Variants in MMP26 observed in about 807,000 individuals in gnomAD.
MMP26 encodes matrix metallopeptidase 26.
Under a neutral mutation model 31.0 loss-of-function variants are expected in MMP26, and 33 were observed. That is an observed-to-expected ratio of 1.06 (90% CI 0.81 to 1.42). The LOEUF (loss-of-function observed/expected upper bound fraction) is 1.42, where lower values mean the gene tolerates loss of function less well. MMP26 is among the 40% of genes most tolerant of loss of function. The pLI is 0.00. For missense variants in MMP26, 347 were observed against 316.1 expected (o/e 1.10, Z -0.74); for synonymous variants, 122 against 114.9 (o/e 1.06, Z -0.40).
intron 2 of MMP26, among the ~76,000 whole-genome samples, chr11:4,971,070 GA>G (rs943661629): frequency 1.3e-5 from 2 of 152,058 alleles, no homozygotes; most frequent in Non-Finnish European, 2.9e-5. Context: ...AAACCATCAT[GA>G]AAAAAATTCC....
intron 2 of MMP26, among the ~76,000 whole-genome samples, chr11:4,898,490 A>G (rs1288460651): frequency 6.6e-6 from 1 of 152,030 alleles, no homozygotes; most frequent in Non-Finnish European, 1.5e-5. Flanking sequence ...TCTTTCTTGT[A>G]CCTACTATTC....
At chr11:4,706,125 T>C (rs1317389689) in intron 1 of MMP26, among the ~76,000 whole-genome samples, 1 of 152,174 alleles carries the variant, frequency 6.6e-6, no homozygotes. Context: ...GGGACTCAGA[T>C]TCAGTGAAGT....
At chr11:4,769,552 A>T (rs1848683669) in intron 2 of MMP26, 1 of 1,613,460 alleles carries the variant, frequency 6.2e-7, no homozygotes, top group African/African-American at 1.3e-5. Flanking sequence ...CATAACGGTC[A>T]AAGGCTGTAG....
chr11:4,796,255 C>T (rs967592630), intron 2 of MMP26, among the ~76,000 whole-genome samples: 2 of 152,128 alleles, frequency 1.3e-5, no homozygotes, highest in East Asian at 3.8e-4. Context: ...ATTTCCTTTC[C>T]GTGTTTATCA....
At chr11:4,971,486 C>A (rs573943892) in intron 2 of MMP26, among the ~76,000 whole-genome samples, 5 of 152,004 alleles carry the variant, frequency 3.3e-5, no homozygotes, top group African/African-American at 1.2e-4. Flanking sequence ...CAGAGAGTAA[C>A]GTGATATGTA....
At chr11:4,773,272 C>T (rs1356913294) in intron 2 of MMP26, among the ~76,000 whole-genome samples, 1 of 152,136 alleles carries the variant, frequency 6.6e-6, no homozygotes, top group Non-Finnish European at 1.5e-5. Flanking sequence ...AGGATATCAT[C>T]ACATATATGT....
At chr11:4,811,150 T>A (rs1478444490) in intron 2 of MMP26, among the ~76,000 whole-genome samples, 1 of 152,164 alleles carries the variant, frequency 6.6e-6, no homozygotes. Context: ...CAGGCTGACA[T>A]TGTACATTGG....
chr11:4,901,437 G>A (rs998115654), intron 2 of MMP26, among the ~76,000 whole-genome samples: 1 of 152,076 alleles, frequency 6.6e-6, no homozygotes, highest in African/African-American at 2.4e-5. Context: ...TGGGATTACA[G>A]GTGTGAGCCA....
chr11:4,793,382 C>A (rs1991889), intron 2 of MMP26, among the ~76,000 whole-genome samples: 56,162 of 151,850 alleles, frequency 0.37, 11,460 homozygotes, highest in African/African-American at 0.52. Context: ...TGATAAAAAA[C>A]GAGAGACTTA....
At chr11:4,965,410 T>A (rs78865869) in intron 2 of MMP26, among the ~76,000 whole-genome samples, 2,607 of 152,294 alleles carry the variant, frequency 0.017, 72 homozygotes, top group African/African-American at 0.06. Flanking sequence ...GGTACAGATA[T>A]AAAAGTGGCT....
At chr11:4,961,692 A>G (rs1846523192) in intron 2 of MMP26, among the ~76,000 whole-genome samples, 1 of 152,230 alleles carries the variant, frequency 6.6e-6, no homozygotes, top group African/African-American at 2.4e-5. Context: ...TTTGGCTTTC[A>G]TAATTTCAAC....
Position 4,989,857 on chromosome 11 carries a change from T to C in MMP26, c.309T>C (p.Thr103=), listed in dbSNP as rs766090565. 1 of 1,607,882 alleles carries C rather than the reference T, an allele frequency of 6.2e-7. No individual in the cohort carries two copies. Among genetic ancestry groups the C allele is most frequent in the East Asian group, 2.2e-5 (1 of 44,880 alleles). The stretch of plus-strand genomic sequence containing the variant: ...GAAGATGCAAGTGGAATAAGCACAC[T>C]CTAACTTACAGGTGCTTGTTACTAA... ...SPGRCKWNKH[T]LTYRIINYPH... Residue 103 remains threonine (T), a synonymous_variant, in exon 4 of 8, where the codon ACT becomes ACC. Coordinates refer to ENST00000380390, the MANE Select transcript of MMP26 (RefSeq NM_021801.5).
At chr11:4,821,281 A>G in intron 2 of MMP26, 2 of 976,488 alleles carry the variant, frequency 2.0e-6, no homozygotes, top group East Asian at 4.8e-5. Flanking sequence ...GGGAAGCTAA[A>G]AAGAAAATTC....
intron 1 of MMP26, among the ~76,000 whole-genome samples, chr11:4,743,954 C>T (rs1848347059): frequency 1.3e-5 from 2 of 151,896 alleles, no homozygotes; most frequent in African/African-American, 4.8e-5. Flanking sequence ...CACAGACTCA[C>T]TCTACCTTAC....
chr11:4,828,311 T>C lies in MMP26; in HGVS notation c.-145+60970T>C, dbSNP rs74965825. Among the ~76,000 whole-genome samples, 558 of 152,268 alleles carry C rather than the reference T, an allele frequency of 3.7e-3. 4 individuals are homozygous for C. Among genetic ancestry groups the C allele is most frequent in the African/African-American group, 0.011 (447 of 41,562 alleles). On this transcript the variant is annotated intron_variant, in intron 2 of 7. Coordinates refer to ENST00000380390, the MANE Select transcript of MMP26 (RefSeq NM_021801.5). ...TACCTCTAAAAGTTTCTGAAAGCTT[T>C]TTATATTGATTATCCTACTCACTGA...
At chr11:4,784,068 G>T (rs1848902134) in intron 2 of MMP26, among the ~76,000 whole-genome samples, 1 of 152,206 alleles carries the variant, frequency 6.6e-6, no homozygotes, top group African/African-American at 2.4e-5. Context: ...TGCAGGCGAG[G>T]CTTGGTAAAG....
intron 2 of MMP26, chr11:4,821,546 C>T (rs377600335): frequency 1.3e-5 from 21 of 1,612,462 alleles, no homozygotes; most frequent in Non-Finnish European, 1.7e-5. Context: ...GTTGCCGTCT[C>T]TGGAAATAGC....
intron 2 of MMP26, among the ~76,000 whole-genome samples, chr11:4,811,052 A>C (rs1320479690): frequency 6.6e-6 from 1 of 152,200 alleles, no homozygotes. Context: ...ATCATTTTTC[A>C]TCTATCAGCC....
intron 2 of MMP26, among the ~76,000 whole-genome samples, chr11:4,852,400 A>G (rs1671851860): frequency 6.6e-6 from 1 of 152,190 alleles, no homozygotes; most frequent in African/African-American, 2.4e-5. Flanking sequence ...TATTCTTTTC[A>G]AGCACATATA....
Sources: allele counts gnomAD v4.1 joint callset (sites outside exome capture counted in the v4.1 genomes callset), GRCh38; gene constraint gnomAD v4.1.1; transcripts MANE v1.5; gene names NCBI Gene and HGNC (gene_info 2026-07-23, HGNC 2026-07-21).